The following EFNA5 variants were observed in gnomAD, a reference collection of about 807,000 sequenced individuals.
EFNA5 encodes the protein ephrin A5.
EFNA5 carries 5 observed loss-of-function variants against 22.9 expected under a neutral mutation model. The ratio of observed to expected loss-of-function variants is 0.22; its 90% CI spans 0.11 to 0.46. The LOEUF is 0.46. Ranked by LOEUF, EFNA5 falls within the 20% of genes least tolerant of loss-of-function variation. The pLI, the probability that EFNA5 is intolerant of heterozygous loss-of-function variation, is 0.99. For missense variants in EFNA5, 237 were observed against 293.3 expected, an observed-to-expected ratio of 0.81 and a Z score of 1.40; for synonymous variants, 113 against 112.2, an observed-to-expected ratio of 1.01 and a Z score of -0.04.
rs188928929 is a variant in EFNA5 at position 107,382,252 on chromosome 5, C to G, written c.566-876G>C. ...TAACTTCCAAATGGGAACTCTGAAG[C>G]AATTAGTACCAAAGAGAGGTTGGAG... On this transcript the variant is annotated intron_variant, in intron 4 of 4. Transcript: ENST00000333274. Among the ~76,000 whole-genome samples the G allele has an allele frequency of 4.6e-5, 7 of 152,304 alleles. No homozygotes were observed. The East Asian group carries it at 1.2e-3, about 25-fold the overall frequency.
chr5:107,632,058 C>T (rs1166815508), intron 1 of EFNA5, among the ~76,000 whole-genome samples: 3 of 152,202 alleles, frequency 2.0e-5, no homozygotes, highest in African/African-American at 4.8e-5. Context: ...GAGGGAAGAA[C>T]GAGCCAGTAA....
At chr5:107,504,146 C>G (rs888240679) in intron 1 of EFNA5, among the ~76,000 whole-genome samples, 1 of 152,060 alleles carries the variant, frequency 6.6e-6, no homozygotes, top group Non-Finnish European at 1.5e-5. Flanking sequence ...GAAGGAATCC[C>G]AAAAGAAAGG....
intron 1 of EFNA5, among the ~76,000 whole-genome samples, chr5:107,580,517 G>A (rs2112493990): frequency 6.6e-6 from 1 of 152,150 alleles, no homozygotes; most frequent in South Asian, 2.1e-4. Flanking sequence ...GAGGTCAGGA[G>A]ATCGAGACCA....
At chr5:107,605,325 C>A (rs1005656518) in intron 1 of EFNA5, among the ~76,000 whole-genome samples, 1 of 152,114 alleles carries the variant, frequency 6.6e-6, no homozygotes, top group African/African-American at 2.4e-5. Context: ...CATAACTCAG[C>A]ACATTAATGA....
intron 1 of EFNA5, among the ~76,000 whole-genome samples, chr5:107,563,970 C>A (rs149376506): frequency 0.014 from 2,074 of 152,312 alleles, 22 homozygotes; most frequent in Middle Eastern, 0.027. Context: ...CATTTGAGAA[C>A]CTCCTCCTTG....
intron 1 of EFNA5, among the ~76,000 whole-genome samples, chr5:107,598,503 T>C (rs1258042852): frequency 6.6e-6 from 1 of 152,148 alleles, no homozygotes; most frequent in African/African-American, 2.4e-5. Flanking sequence ...CAAAACCAGA[T>C]GTGATGAGAA....
intron 1 of EFNA5, among the ~76,000 whole-genome samples, chr5:107,448,866 T>TAAAAAAAATA (rs1554059800): frequency 7.1e-6 from 1 of 141,318 alleles, no homozygotes; most frequent in African/African-American, 2.7e-5. Context: ...AATAAATAAA[T>TAAAAAAAATA]AAATAAAATA....
chr5:107,644,665 C>A (rs1013036489), intron 1 of EFNA5, among the ~76,000 whole-genome samples: 4 of 152,096 alleles, frequency 2.6e-5, no homozygotes, highest in Admixed American at 1.3e-4. Flanking sequence ...ATTTCCTCAA[C>A]AAATTTTAAG....
At chr5:107,478,810 AT>A (rs576432036) in intron 1 of EFNA5, among the ~76,000 whole-genome samples, 251 of 152,292 alleles carry the variant, frequency 1.6e-3, no homozygotes, top group African/African-American at 5.8e-3. Flanking sequence ...TACCATTGTC[AT>A]TAGATAGGTT....
At chr5:107,500,322 T>C (rs1302490264) in intron 1 of EFNA5, among the ~76,000 whole-genome samples, 1 of 152,242 alleles carries the variant, frequency 6.6e-6, no homozygotes. Flanking sequence ...TTCCCTACAA[T>C]GTATACGTAT....
At chr5:107,631,590 C>T (rs868716662) in intron 1 of EFNA5, among the ~76,000 whole-genome samples, 1 of 151,892 alleles carries the variant, frequency 6.6e-6, no homozygotes, top group South Asian at 2.1e-4. Flanking sequence ...TAAGTAATTT[C>T]TTTATATAAT....
intron 1 of EFNA5, among the ~76,000 whole-genome samples, chr5:107,503,399 T>C (rs765837873): frequency 4.6e-5 from 7 of 152,210 alleles, no homozygotes; most frequent in Non-Finnish European, 1.0e-4. Context: ...ATTCAAAAGG[T>C]AAGAATCATT....
At chr5:107,481,092 C>T (rs189990176) in intron 1 of EFNA5, among the ~76,000 whole-genome samples, 2 of 152,136 alleles carry the variant, frequency 1.3e-5, no homozygotes, top group African/African-American at 4.8e-5. Flanking sequence ...ACAAAACAAA[C>T]TAAGAGGTGT....
intron 2 of EFNA5, among the ~76,000 whole-genome samples, chr5:107,405,998 T>C (rs1333059362): frequency 9.9e-6 from 1 of 100,572 alleles, no homozygotes; most frequent in Non-Finnish European, 2.2e-5. Context: ...TGTATACATA[T>C]TCTATGTATT....
intron 1 of EFNA5, among the ~76,000 whole-genome samples, chr5:107,617,451 C>G (rs1158325293): frequency 6.6e-6 from 1 of 152,148 alleles, no homozygotes; most frequent in African/African-American, 2.4e-5. Flanking sequence ...GGGAAGTTTG[C>G]TTTCTAATCA....
rs1264099683 is a variant in EFNA5 at position 107,533,370 on chromosome 5, A to ATT, written c.126-105863_126-105862dup. 4.5e-4 allele frequency among the ~76,000 whole-genome samples: 69 copies of ATT among 152,154 alleles called. 1 individual carries two copies. Among genetic ancestry groups the ATT allele is most frequent in the Non-Finnish European group, 9.6e-4 (65 of 68,028 alleles). On this transcript the variant is annotated intron_variant, in intron 1 of 4. Transcript: ENST00000333274. ...GTGCTTCACCTATAGAGAAGTCTGAATTGGGCTTCTTTCTATCTCCCCCAT... is the reference window on the plus strand; with the variant it reads ...GTGCTTCACCTATAGAGAAGTCTGAATTTTGGGCTTCTTTCTATCTCCCCCAT...
chr5:107,549,820 G>A (rs977252722), intron 1 of EFNA5, among the ~76,000 whole-genome samples: 1 of 152,244 alleles, frequency 6.6e-6, no homozygotes, highest in East Asian at 1.9e-4. Flanking sequence ...CATGAGGAAT[G>A]AGCAGCCACC....
chr5:107,502,010 C>G (rs1289987654), intron 1 of EFNA5, among the ~76,000 whole-genome samples: 1 of 152,126 alleles, frequency 6.6e-6, no homozygotes, highest in East Asian at 1.9e-4. Flanking sequence ...GAGAAATACC[C>G]CATCTGATGG....
chr5:107,399,495 G>A (rs537071679), intron 2 of EFNA5, among the ~76,000 whole-genome samples: 7 of 152,298 alleles, frequency 4.6e-5, no homozygotes, highest in African/African-American at 1.4e-4. Context: ...ATGATAGCTT[G>A]GGTACAGGTT....
Sources: gnomAD v4.1 joint callset for allele counts (sites outside exome capture counted in the v4.1 genomes callset) on GRCh38, gnomAD v4.1.1 for gene constraint, MANE v1.5 for transcripts, NCBI Gene and HGNC (gene_info 2026-07-23, HGNC 2026-07-21) for gene names.